DNAH17: variants seen among roughly 807,000 people sequenced by gnomAD.
The protein encoded by DNAH17 is dynein axonemal heavy chain 17.
Under a neutral mutation model 485.6 loss-of-function variants are expected in DNAH17, and 376 were observed. The observed-to-expected ratio is 0.77, with a 90% confidence interval of 0.71 to 0.84. The LOEUF (loss-of-function observed/expected upper bound fraction) is 0.84. Ranked by LOEUF, DNAH17 falls within the 40% of genes least tolerant of loss-of-function variation. The probability of loss-of-function intolerance (pLI) is 0.00; values close to 1 mark genes in which losing one functional copy is unlikely to be tolerated. For synonymous variants in DNAH17, 3,031 were observed against 2,405.9 expected (o/e 1.26, Z -7.60); for missense variants, 6,370 against 5,839.3 (o/e 1.09, Z -2.96).
At chr17:78,563,149 TTTAAG>T (rs2092193852) in intron 11 of DNAH17, among the ~76,000 whole-genome samples, 1 of 152,212 alleles carries the variant, frequency 6.6e-6, no homozygotes, top group Non-Finnish European at 1.5e-5. Flanking sequence ...TGCGGCTATT[TTTAAG>T]TTAATTGTGT....
chr17:78,463,203 C>T lies in DNAH17; in HGVS notation c.8941-126G>A, dbSNP rs2088229171. ...AGACCGCTCTCAACCTCAGTGTCTT[C>T]AACTGCCCAAAGGGGCTCCTGAGAG... On this transcript the variant is annotated intron_variant, in intron 56 of 80. Transcript: ENST00000389840. 3.7e-6 allele frequency: 3 copies of T among 801,802 alleles called. No homozygotes were observed. In the South Asian group the frequency reaches 5.3e-5, roughly 14 times the overall value. The allele number at this position is 801,802 out of a possible 1,614,324, so 49.7% of individuals were successfully genotyped here. A position where few individuals can be genotyped will look rare whatever the true frequency, so the allele number is the denominator to read the frequency against.
chr17:78,445,267 G>C (rs909371423), intron 70 of DNAH17, among the ~76,000 whole-genome samples: 6 of 151,656 alleles, frequency 4.0e-5, no homozygotes, highest in African/African-American at 1.2e-4. Context: ...GGGAGGGATG[G>C]TAAGAGGCCC....
intron 47 of DNAH17, 85 bp from the exon 48 acceptor site, chr17:78,485,118 G>A (rs1034146233): frequency 2.0e-5 from 29 of 1,462,254 alleles, no homozygotes; most frequent in Admixed American, 7.7e-5. Flanking sequence ...CTGCTTCCCC[G>A]GAGGACAGAA....
chr17:78,437,560 C>T (rs1598446501), intron 74 of DNAH17, 81 bp downstream of exon 74: 1 of 1,121,388 alleles, frequency 8.9e-7, no homozygotes. Context: ...GAGCGGTCCT[C>T]AGTGGTCCTC....
rs770638987 is a variant in DNAH17 at position 78,468,629 on chromosome 17, G to A, written c.8766C>T (p.Arg2922=). 10 of 1,613,334 alleles carry A rather than the reference G, an allele frequency of 6.2e-6. No homozygotes were observed. Among genetic ancestry groups the A allele is most frequent in the Non-Finnish European group, 7.6e-6 (9 of 1,179,558 alleles). The change falls in exon 55 of 81, where the codon CGC becomes CGT. Residue 2922 remains arginine, a synonymous_variant. Coordinates refer to ENST00000389840, the MANE Select transcript of DNAH17 (RefSeq NM_173628.4). ...ACGGGAGCCCCACCTTGAGCTGTCT[G>A]CGCACTTTTTCGATGAAGAACTTCC... ...TCWKFFIEKV[R]RQLKVILCFS...
At chr17:78,543,626 C>T (rs1197928033) in intron 17 of DNAH17, 6 of 602,036 alleles carry the variant, frequency 1.0e-5, no homozygotes, top group African/African-American at 3.7e-5. Context: ...GGTTTCACCA[C>T]GTTGGTCAAG....
At chr17:78,548,067 T>C (rs928688930) in intron 16 of DNAH17, among the ~76,000 whole-genome samples, 3 of 152,244 alleles carry the variant, frequency 2.0e-5, no homozygotes, top group Non-Finnish European at 4.4e-5. Flanking sequence ...CTAGTTCTAG[T>C]CTAACTGGTG....
rs537651015 is a variant in DNAH17 at position 78,556,840 on chromosome 17, AAAG to A, written c.2178+1265_2178+1267del. The stretch of plus-strand genomic sequence containing the variant: ...AGCAATAAAATTGACTCACGTTTAA[AAAG>A]AAGAAGAATGGTGCTACATGCAACA... On this transcript the variant is annotated intron_variant, in intron 14 of 80. Transcript: ENST00000389840. Among the ~76,000 whole-genome samples, 439 of 152,336 alleles carry A rather than the reference AAAG, an allele frequency of 2.9e-3. 4 individuals carry two copies. The highest frequency in any genetic ancestry group is 9.4e-3 in the African/African-American group (392 of 41,568).
chr17:78,431,130 C>T (rs1287384904), intron 75 of DNAH17, among the ~76,000 whole-genome samples: 4 of 152,230 alleles, frequency 2.6e-5, no homozygotes, highest in African/African-American at 4.8e-5. Context: ...CCTCCTGCCT[C>T]GGCCTCCCAC....
chr17:78,490,667 G>A, intron 44 of DNAH17, 32 bp downstream of exon 44: 2 of 1,586,098 alleles, frequency 1.3e-6, no homozygotes, highest in South Asian at 1.1e-5. Flanking sequence ...CCCTGCCGAG[G>A]TTTGGAACAG....
chr17:78,454,887 G>T (rs919735890), intron 63 of DNAH17, among the ~76,000 whole-genome samples, 182 bp from the exon 64 acceptor site: 3 of 151,940 alleles, frequency 2.0e-5, no homozygotes, highest in Admixed American at 6.6e-5. Context: ...GGCCAGAAAC[G>T]ATGTCAGCAC....
At chr17:78,481,424 G>A (rs1164671375) in intron 48 of DNAH17, among the ~76,000 whole-genome samples, 2 of 152,124 alleles carry the variant, frequency 1.3e-5, no homozygotes, top group Non-Finnish European at 2.9e-5. Context: ...AATATGTGAA[G>A]CAGCTGCTGT....
At chr17:78,504,570 C>T (rs12103535) in intron 31 of DNAH17, among the ~76,000 whole-genome samples, 67,491 of 148,362 alleles carry the variant, frequency 0.45, 15,980 homozygotes, top group African/African-American at 0.6. Flanking sequence ...ATTTTTTTTT[C>T]TTCTTCCTAC....
chr17:78,569,348 G>A, intron 8 of DNAH17, 27 bp downstream of exon 8: 1 of 1,611,362 alleles, frequency 6.2e-7, no homozygotes, highest in East Asian at 2.2e-5. Context: ...GTCCTGCCTT[G>A]GCCCTCGCCC....
At position 78,483,565 on chromosome 17, in the gene DNAH17, G is replaced by A. The variant is rs142632460; in HGVS notation, c.7649+1303C>T. ...GAATCGCTGGAACCCAGGAGGCAGA[G>A]GTTGCAGTGAGCCAAGATCACGCCA... On this transcript the variant is annotated intron_variant, in intron 48 of 80. Transcript: ENST00000389840. Among the ~76,000 whole-genome samples the A allele has an allele frequency of 2.1e-3, 318 of 152,266 alleles. 7 individuals carry two copies. The East Asian group carries it at 0.05, about 24-fold the overall frequency.
rs753006721 is a variant in DNAH17, at chr17:78,461,726, G to A, written c.9175-18C>T. The A allele has an allele frequency of 5.0e-6, 8 of 1,603,494 alleles. No homozygotes were observed. The highest frequency in any genetic ancestry group is 3.4e-5 in the Admixed American group (2 of 59,036). ...TCATCCACCTGGGGAAGGAGAAACC[G>A]AGAAACAGCAAGTGTGGGCCGCAGC... is the stretch of plus-strand genomic sequence containing the variant. On this transcript the variant is annotated intron_variant, in intron 57 of 80. Transcript: ENST00000389840.
rs568481269 is a variant in DNAH17, at chr17:78,426,440, G to A, written c.12915+17C>T. On this transcript the variant is annotated intron_variant, in intron 79 of 80. Coordinates refer to ENST00000389840, the MANE Select transcript of DNAH17 (RefSeq NM_173628.4). ...TCCCCGAGTCTTAGGAAGCCTCTCA[G>A]AGAAAACGGCACTTACCCTGATGCG... 6.3e-6 allele frequency: 10 copies of A among 1,580,166 alleles called. No individual in the cohort carries two copies. The highest frequency in any genetic ancestry group is 2.3e-5 in the East Asian group (1 of 44,322).
intron 31 of DNAH17, 45 bp from the exon 32 acceptor site, chr17:78,503,056 C>A: frequency 6.4e-7 from 1 of 1,560,838 alleles, no homozygotes; most frequent in African/African-American, 1.4e-5. Flanking sequence ...TGTGTGCCTG[C>A]CTCTAGTTCC....
Position 78,475,731 on chromosome 17 carries a change from G to T in DNAH17, c.8257C>A (p.Leu2753Met). 6.2e-7 allele frequency: 1 copy of T among 1,613,874 alleles called. No homozygotes were observed. ...KYVPVTDMAP[L>M]NKLLVDVLDS... is the part of the protein sequence containing the mutation. ...AGGACGTCCACGAGGAGCTTGTTCA[G>T]AGGAGCCATGTCGGTTACAGGAACA... Residue 2753 changes from leucine to methionine, a missense_variant, in exon 53 of 81, where the codon CTG becomes ATG. Physicochemically the swap from Leu to Met is conservative, Grantham distance 15. Transcript: ENST00000389840.
Sources: gnomAD v4.1 joint callset for allele counts (sites outside exome capture counted in the v4.1 genomes callset) on GRCh38, gnomAD v4.1.1 for gene constraint, MANE v1.5 for transcripts, NCBI Gene and HGNC (gene_info 2026-07-23, HGNC 2026-07-21) for gene names.